The following ABCG8 variants were observed in gnomAD, a reference collection of about 807,000 sequenced individuals.
ABCG8 encodes ATP-binding cassette sub-family G member 8.
ABCG8 carries 81 observed loss-of-function variants against 71.3 expected under a neutral mutation model. That is an observed-to-expected ratio of 1.14 (90% CI 0.95 to 1.37). The LOEUF is 1.37. ABCG8 is among the 40% of genes most tolerant of loss of function. ABCG8 has a pLI of 0.00. For synonymous variants in ABCG8, 451 were observed against 354.7 expected, an observed-to-expected ratio of 1.27 and a Z score of -3.05; for missense variants, 1,119 against 866.2, an observed-to-expected ratio of 1.29 and a Z score of -3.66.
At chr2:43,854,390 G>T (rs1005101868) in intron 6 of ABCG8, among the ~76,000 whole-genome samples, 2 of 152,178 alleles carry the variant, frequency 1.3e-5, no homozygotes, top group Non-Finnish European at 1.5e-5. Context: ...CACTTTCAGA[G>T]GCTGAGGCAG....
chr2:43,839,211 C>T (rs1468413868), intron 1 of ABCG8, 95 bp downstream of exon 1: 17 of 1,317,416 alleles, frequency 1.3e-5, no homozygotes, highest in Non-Finnish European at 1.8e-5. Flanking sequence ...GTCCTAGCAC[C>T]ACCCGGACAT....
Position 43,877,949 on chromosome 2 carries a change from G to A in ABCG8, c.*36G>A. On this transcript the variant is annotated 3_prime_UTR_variant, in exon 13 of 13. Coordinates refer to ENST00000272286, the MANE Select transcript of ABCG8 (RefSeq NM_022437.3). ...ACGTCTGCCCGCTGGTGGGGGACCT[G>A]AGCAGACCCTTCAACTGCACTCCCT... 1 of 1,613,936 alleles carries A rather than the reference G, an allele frequency of 6.2e-7. No individual in the cohort carries two copies. The highest frequency in any genetic ancestry group is 8.5e-7 in the Non-Finnish European group (1 of 1,179,972).
chr2:43,863,451 A>G (rs1669405924), intron 6 of ABCG8, among the ~76,000 whole-genome samples: 1 of 150,862 alleles, frequency 6.6e-6, no homozygotes, highest in Admixed American at 6.6e-5. Context: ...ACTGGATAGA[A>G]TTCCTACTCT....
At chr2:43,859,535 C>A (rs58076853) in intron 6 of ABCG8, among the ~76,000 whole-genome samples, 1 of 150,810 alleles carries the variant, frequency 6.6e-6, no homozygotes, top group Non-Finnish European at 1.5e-5. Context: ...CTGGATAGAT[C>A]TCTCACTATT....
In ABCG8 at chr2:43,878,842, T is replaced by A. The variant is rs1356761480; in HGVS notation, c.*929T>A. ...CCCAAGTGTCAAGGGCGGGACCAGA[T>A]GGAGATAATTGAATCATAGGGGTGG... On this transcript the variant is annotated 3_prime_UTR_variant, in exon 13 of 13. Coordinates refer to ENST00000272286, the MANE Select transcript of ABCG8 (RefSeq NM_022437.3). 1 of 152,268 alleles carries A rather than the reference T, an allele frequency of 6.6e-6. No homozygotes were observed. The highest frequency in any genetic ancestry group is 1.5e-5 in the Non-Finnish European group (1 of 68,080). The allele number at this position is 152,268 out of a possible 1,614,324, so 9.4% of individuals were successfully genotyped here. A position where few individuals can be genotyped will look rare whatever the true frequency, so the allele number is the denominator to read the frequency against.
intron 10 of ABCG8, 148 bp from the exon 11 acceptor site, chr2:43,874,998 C>A (rs1417665954): frequency 1.4e-5 from 16 of 1,142,496 alleles, no homozygotes; most frequent in Non-Finnish European, 1.8e-5. Flanking sequence ...TGAGCTCATG[C>A]TCCTGGGTCC....
At chr2:43,839,147 C>A (rs1223302692) in intron 1 of ABCG8, 31 bp downstream of exon 1, 1 of 1,549,524 alleles carries the variant, frequency 6.5e-7, no homozygotes, top group Non-Finnish European at 8.7e-7. Flanking sequence ...CGGCCCAGGC[C>A]TGGTGGGCGG....
At chr2:43,842,304 C>G (rs373958720) in intron 1 of ABCG8, among the ~76,000 whole-genome samples, 43 of 152,240 alleles carry the variant, frequency 2.8e-4, no homozygotes, top group African/African-American at 9.9e-4. Flanking sequence ...TGAGCCACTG[C>G]GCACAGCTGG....
chr2:43,842,915 C>T (rs1308506187), intron 1 of ABCG8, among the ~76,000 whole-genome samples: 1 of 152,098 alleles, frequency 6.6e-6, no homozygotes, highest in Non-Finnish European at 1.5e-5. Context: ...CATACTGTCA[C>T]CGAATTTCTT....
In ABCG8 at chr2:43,878,580, G is replaced by A. The variant is rs563631481; in HGVS notation, c.*667G>A. The A allele has an allele frequency of 7.2e-4, 118 of 163,970 alleles. 1 individual carries two copies. Among genetic ancestry groups the A allele is most frequent in the African/African-American group, 2.5e-3 (103 of 41,730 alleles). 10.2% of individuals were successfully genotyped at this position (163,970 alleles called of 1,614,324 possible). The stretch of plus-strand genomic sequence containing the variant: ...AAAATTCATTTTCCTAAGGGCACAT[G>A]GATACTTTGTGGTGGAGTCATATGG... On this transcript the variant is annotated 3_prime_UTR_variant, in exon 13 of 13. Transcript: ENST00000272286.
Position 43,876,359 on chromosome 2 carries a change from GT to G in ABCG8, c.1756+947del, listed in dbSNP as rs1669958063. 3.3e-5 allele frequency among the ~76,000 whole-genome samples: 5 copies of G among 152,356 alleles called. No individual in the cohort carries two copies. In the South Asian group the frequency reaches 1.0e-3, roughly 32 times the overall value. ...AGCCACCATGGCCCTGTCTCAGAGAGTGGGATGTGCCCTTGTGCAGGTAAGA... is the reference window on the plus strand; with the variant it reads ...AGCCACCATGGCCCTGTCTCAGAGAGGGGATGTGCCCTTGTGCAGGTAAGA... On this transcript the variant is annotated intron_variant, in intron 11 of 12. Transcript: ENST00000272286.
At chr2:43,870,805 T>C (rs1268132615) in intron 6 of ABCG8, among the ~76,000 whole-genome samples, 1 of 152,158 alleles carries the variant, frequency 6.6e-6, no homozygotes, top group Admixed American at 6.5e-5. Context: ...TCTCACTATC[T>C]AGATAGAATT....
chr2:43,848,553 A>T (rs1387565329), intron 3 of ABCG8: 2 of 152,224 alleles, frequency 1.3e-5, no homozygotes, highest in African/African-American at 4.8e-5. Context: ...AACTCAAAGT[A>T]TGCAGGCAGC....
At chr2:43,855,102 C>A (rs1669057108) in intron 6 of ABCG8, among the ~76,000 whole-genome samples, 1 of 152,216 alleles carries the variant, frequency 6.6e-6, no homozygotes, top group African/African-American at 2.4e-5. Flanking sequence ...AGTGAGAATT[C>A]TCACCATCTG....
At chr2:43,851,474 C>A in intron 3 of ABCG8, 110 bp from the exon 4 acceptor site, 1 of 1,260,908 alleles carries the variant, frequency 7.9e-7, no homozygotes, top group Non-Finnish European at 1.2e-6. Flanking sequence ...CTGGTCACAT[C>A]TGCACGGACA....
At position 43,877,439 on chromosome 2, in the gene ABCG8, C is replaced by T; in HGVS notation, c.1757-122C>T. Reference sequence around the variant, plus strand: ...ACTGTGGGAATATGGGGAGATCATGCAAATATGGGCAGACCATGGGAATAT... The same window carrying T: ...ACTGTGGGAATATGGGGAGATCATGTAAATATGGGCAGACCATGGGAATAT... On this transcript the variant is annotated intron_variant, in intron 11 of 12. Coordinates refer to ENST00000272286, the MANE Select transcript of ABCG8 (RefSeq NM_022437.3). The T allele has an allele frequency of 2.7e-6, 4 of 1,505,668 alleles. No homozygotes were observed. The South Asian group carries it at 3.4e-5, about 13-fold the overall frequency. 93.3% of individuals were successfully genotyped at this position (1,505,668 alleles called of 1,614,324 possible).
At chr2:43,840,663 C>T (rs1390249286) in intron 1 of ABCG8, among the ~76,000 whole-genome samples, 3 of 152,198 alleles carry the variant, frequency 2.0e-5, no homozygotes, top group Non-Finnish European at 4.4e-5. Context: ...ATATCTTCCT[C>T]ACAACCTGAA....
At chr2:43,873,749 T>C in intron 8 of ABCG8, 38 bp from the exon 9 acceptor site, 1 of 1,606,670 alleles carries the variant, frequency 6.2e-7, no homozygotes, top group Non-Finnish European at 8.5e-7. Context: ...GGCTGGTGTA[T>C]GCTGTTGCCT....
At chr2:43,875,036 C>A in intron 10 of ABCG8, 110 bp from the exon 11 acceptor site, 1 of 1,490,660 alleles carries the variant, frequency 6.7e-7, no homozygotes, top group Non-Finnish European at 9.2e-7. Context: ...ACAGCCTCAT[C>A]ATCACCAGGA....
Sources: allele counts gnomAD v4.1 joint callset (sites outside exome capture counted in the v4.1 genomes callset), GRCh38; gene constraint gnomAD v4.1.1; transcripts MANE v1.5; gene names NCBI Gene and HGNC (gene_info 2026-07-23, HGNC 2026-07-21).